The following NSDHL variants were observed in gnomAD, a reference collection of about 807,000 sequenced individuals.
NSDHL encodes sterol-4-alpha-carboxylate 3-dehydrogenase, decarboxylating.
Under a neutral mutation model 23.0 loss-of-function variants are expected in NSDHL, and 1 was observed. That is an observed-to-expected ratio of 0.04 (90% CI 0.02 to 0.21). The LOEUF (loss-of-function observed/expected upper bound fraction) is 0.21, where lower values mean the gene tolerates loss of function less well. Among genes scored for constraint, NSDHL ranks in the 10% least tolerant of loss-of-function variants. NSDHL has a pLI of 1.00. For missense variants in NSDHL, 237 were observed against 300.9 expected (o/e 0.79, Z 1.57); for synonymous variants, 128 against 121.1 (o/e 1.06, Z -0.37).
intron 6 of NSDHL, among the ~76,000 whole-genome samples, chrX:152,866,590 C>G (rs1933610643): frequency 1.8e-5 from 2 of 113,005 alleles, no homozygotes. Flanking sequence ...TGTTCCAGGC[C>G]TCTGCCCTAG....
At chrX:152,846,673 G>C (rs1031371482) in intron 2 of NSDHL, among the ~76,000 whole-genome samples, 106 of 112,180 alleles carry the variant, frequency 9.4e-4, no homozygotes, top group African/African-American at 3.2e-3. Flanking sequence ...GGGTGTTCTT[G>C]GATGGTCTCC....
In NSDHL at chrX:152,869,095, C is replaced by G; in HGVS notation, c.1101C>G (p.Arg367=). ...TGGAGAGGACCGTGCAGAGCTTTCG[C>G]CACCTGCGGAGGGTCAAGTGAGGGA... ...DAMERTVQSF[R]HLRRVK The change falls in exon 8 of 8, where the codon CGC becomes CGG. Residue 367 remains arginine (R), a synonymous_variant. Transcript: ENST00000370274. 1 of 1,210,963 alleles carries G rather than the reference C, an allele frequency of 8.3e-7. No homozygotes were observed. The highest frequency in any genetic ancestry group is 1.1e-6 in the Non-Finnish European group (1 of 894,484).
intron 7 of NSDHL, 143 bp downstream of exon 7, chrX:152,867,816 C>T: frequency 1.9e-6 from 1 of 515,330 alleles, no homozygotes; most frequent in Non-Finnish European, 3.4e-6. Flanking sequence ...GATCAAGCCC[C>T]TCTGATAGAG....
chrX:152,850,377 A>G lies in NSDHL; in HGVS notation c.221A>G (p.Asp74Gly). 8.3e-7 allele frequency: 1 copy of G among 1,210,892 alleles called. No homozygotes were observed. The part of the protein sequence containing the change: ...VNVFDIQQGF[D>G]NPQVRFFLGD... ...GTATTTGATATCCAGCAAGGGTTTG[A>G]TAATCCCCAGGTGCGGTTCTTTCTG... The change falls in exon 3 of 8, where the codon GAT becomes GGT. Residue 74 changes from aspartate to glycine, a missense_variant. Physicochemically the swap from Asp to Gly is moderately conservative, Grantham distance 94. Coordinates refer to ENST00000370274, the MANE Select transcript of NSDHL (RefSeq NM_015922.3).
Position 152,850,275 on chromosome X carries a change from G to A in NSDHL, c.119G>A (p.Cys40Tyr), listed in dbSNP as rs1556846092. 2 of 1,211,667 alleles carry A rather than the reference G, an allele frequency of 1.7e-6. No individual in the cohort carries two copies. The highest frequency in any genetic ancestry group is 5.9e-5 in the East Asian group (2 of 33,858). ...CCTCTCTTTCCACAGGCCAAGAGAT[G>A]CACAGTGATCGGTGGCTCTGGATTC... Reference protein sequence around the residue: ...EKVNQNQAKRCTVIGGSGFLG... With the variant: ...EKVNQNQAKRYTVIGGSGFLG... Residue 40 changes from cysteine to tyrosine, a missense_variant, in exon 3 of 8, where the codon TGC becomes TAC. By Grantham distance (194) the Cys-to-Tyr change is radical. Around this residue, in one of 3 missense-constraint regions of NSDHL, gnomAD observed 81 missense variants for 103.3 expected, o/e 0.78. Coordinates refer to ENST00000370274, the MANE Select transcript of NSDHL (RefSeq NM_015922.3).
intron 2 of NSDHL, among the ~76,000 whole-genome samples, chrX:152,849,862 T>C (rs782268532): frequency 8.9e-6 from 1 of 112,878 alleles, no homozygotes; most frequent in South Asian, 3.6e-4. Context: ...CGTTTTGTTT[T>C]GTTTTGTTTT....
chrX:152,853,230 A>G (rs1933388010), intron 3 of NSDHL, among the ~76,000 whole-genome samples: 1 of 108,665 alleles, frequency 9.2e-6, no homozygotes. Flanking sequence ...TACATCCAAA[A>G]TTAAGCTCCT....
chrX:152,868,328 G>A (rs1175325684), intron 7 of NSDHL, among the ~76,000 whole-genome samples: 2 of 110,382 alleles, frequency 1.8e-5, no homozygotes, highest in African/African-American at 6.6e-5. Flanking sequence ...TAGTAGAGAC[G>A]GGGTTTCACC....
In NSDHL at chrX:152,869,393, T is replaced by G; in HGVS notation, c.*277T>G. 1 of 376,187 alleles carries G rather than the reference T, an allele frequency of 2.7e-6. No individual in the cohort carries two copies. The highest frequency in any genetic ancestry group is 4.8e-6 in the Non-Finnish European group (1 of 210,108). The allele number at this position is 376,187 out of a possible 1,213,427, so 31.0% of individuals were successfully genotyped here. ...TGTGTCTCTCTGTTTACCCCCTCCCTTGCCCCCTCTTCTGGTTTATACATT... is the reference window on the plus strand; with the variant it reads ...TGTGTCTCTCTGTTTACCCCCTCCCGTGCCCCCTCTTCTGGTTTATACATT... On this transcript the variant is annotated 3_prime_UTR_variant, in exon 8 of 8. Transcript: ENST00000370274.
At chrX:152,835,393 G>C (rs1200108355) in intron 1 of NSDHL, among the ~76,000 whole-genome samples, 1 of 108,250 alleles carries the variant, frequency 9.2e-6, no homozygotes, top group Non-Finnish European at 1.9e-5. Flanking sequence ...ATCTTGGTTT[G>C]CTGCACCCAT....
rs1239243047 is a variant in NSDHL at position 152,869,487 on chromosome X, G to T, written c.*371G>T. On this transcript the variant is annotated 3_prime_UTR_variant, in exon 8 of 8. Transcript: ENST00000370274. ...CTACAACCCATTTGTTAGTTCTGAT[G>T]GAGAACCATTTCCATGCAGACCAAT... 3 of 265,819 alleles carry T rather than the reference G, an allele frequency of 1.1e-5. No homozygotes were observed. The highest frequency in any genetic ancestry group is 1.4e-5 in the Non-Finnish European group (2 of 145,019). 21.9% of individuals were successfully genotyped at this position (265,819 alleles called of 1,213,427 possible).
intron 3 of NSDHL, among the ~76,000 whole-genome samples, chrX:152,851,214 G>A (rs1933351693): frequency 8.9e-6 from 1 of 112,166 alleles, no homozygotes; most frequent in South Asian, 3.7e-4. Context: ...CCAACACTGG[G>A]CATAACTAGA....
chrX:152,850,388 G>A lies in NSDHL; in HGVS notation c.232G>A (p.Val78Met), dbSNP rs1933337811. Residue 78 changes from valine (V) to methionine (M), a missense_variant, in exon 3 of 8, where the codon GTG becomes ATG. This residue lies in a region of NSDHL where 81 missense variants were observed against 103.3 expected (regional missense o/e 0.78). Transcript: ENST00000370274. The part of the protein sequence containing the change: ...DIQQGFDNPQ[V>M]RFFLGDLCSR... ...CCAGCAAGGGTTTGATAATCCCCAGGTGCGGTTCTTTCTGGGTGACCTCTG... is the reference window on the plus strand; with the variant it reads ...CCAGCAAGGGTTTGATAATCCCCAGATGCGGTTCTTTCTGGGTGACCTCTG... 5 of 1,209,181 alleles carry A rather than the reference G, an allele frequency of 4.1e-6. No homozygotes were observed. The highest frequency in any genetic ancestry group is 3.4e-6 in the Non-Finnish European group (3 of 894,386).
At chrX:152,831,204 G>A in intron 1 of NSDHL, 87 bp downstream of exon 1, 1 of 298,123 alleles carries the variant, frequency 3.4e-6, no homozygotes, top group Non-Finnish European at 5.9e-6. Flanking sequence ...GGTCGCCCGG[G>A]TCGGGTGCTT....
At chrX:152,841,424 A>G (rs868985744) in intron 1 of NSDHL, among the ~76,000 whole-genome samples, 1 of 112,128 alleles carries the variant, frequency 8.9e-6, no homozygotes, top group African/African-American at 3.2e-5. Context: ...AGCTGTTCCT[A>G]TTCGGCCCTC....
chrX:152,848,531 T>G (rs1445624573), intron 2 of NSDHL, among the ~76,000 whole-genome samples: 2 of 112,873 alleles, frequency 1.8e-5, no homozygotes, highest in East Asian at 5.6e-4. Context: ...GCGTACTGAT[T>G]AGTCACAATT....
intron 4 of NSDHL, among the ~76,000 whole-genome samples, chrX:152,860,728 A>T (rs1336219737): frequency 2.7e-5 from 3 of 111,096 alleles, no homozygotes; most frequent in African/African-American, 6.5e-5. Context: ...AAAAAAAATT[A>T]AAAAAACAAC....
At chrX:152,842,762 A>G (rs1216781723) in intron 1 of NSDHL, among the ~76,000 whole-genome samples, 4 of 111,950 alleles carry the variant, frequency 3.6e-5, no homozygotes, top group African/African-American at 1.3e-4. Context: ...TCGGCCTCCC[A>G]AAGTACTGAG....
At chrX:152,850,690 G>A (rs1280810130) in intron 3 of NSDHL, among the ~76,000 whole-genome samples, 1 of 112,551 alleles carries the variant, frequency 8.9e-6, no homozygotes, top group African/African-American at 3.2e-5. Context: ...GTATGCCAGT[G>A]AAACTTGACT....
Sources: gnomAD v4.1 joint callset for allele counts (sites outside exome capture counted in the v4.1 genomes callset) on GRCh38, gnomAD v4.1.1 for gene constraint, gnomAD v4.1.1 regional missense constraint, MANE v1.5 for transcripts, NCBI Gene and HGNC (gene_info 2026-07-23, HGNC 2026-07-21) for gene names.